The following PUS10 variants were observed in gnomAD, a reference collection of about 807,000 sequenced individuals.
PUS10 encodes the protein tRNA pseudouridine synthase Pus10.
Under a neutral mutation model 75.0 loss-of-function variants are expected in PUS10, and 59 were observed. That is an observed-to-expected ratio of 0.79 (90% confidence interval 0.64 to 0.98). The LOEUF is 0.98. Among genes scored for constraint, PUS10 ranks in the 50% least tolerant of loss-of-function variants. The pLI is 0.00. For synonymous variants in PUS10, 219 were observed against 211.6 expected (o/e 1.03, Z -0.30); for missense variants, 650 against 614.4 (o/e 1.06, Z -0.61).
At chr2:61,018,257 C>G (rs765172987), upstream of PUS10, 11 of 1,550,964 alleles carry the variant, frequency 7.1e-6, no homozygotes, top group African/African-American at 4.1e-5. Context: ...AAAGTCTCTC[C>G]TTAAAGGTGT....
chr2:60,948,902 A>ACGGCC (rs1675160922), intron 15 of PUS10, among the ~76,000 whole-genome samples: 1 of 152,216 alleles, frequency 6.6e-6, no homozygotes, highest in African/African-American at 2.4e-5. Context: ...AATTGGGCGT[A>ACGGCC]ATCAGAAATT....
At chr2:61,015,117 G>A (rs1452534502) in intron 1 of PUS10, among the ~76,000 whole-genome samples, 1 of 152,146 alleles carries the variant, frequency 6.6e-6, no homozygotes, top group Non-Finnish European at 1.5e-5. Flanking sequence ...CCAGAATTGA[G>A]AAACGCATAG....
chr2:61,016,590 A>G (rs1216983929), intron 1 of PUS10, among the ~76,000 whole-genome samples: 3 of 152,192 alleles, frequency 2.0e-5, no homozygotes. Flanking sequence ...TAACTCTGTA[A>G]CAAGTTGCTA....
chr2:61,000,339 A>G (rs989708995), intron 4 of PUS10, among the ~76,000 whole-genome samples: 1 of 152,226 alleles, frequency 6.6e-6, no homozygotes, highest in African/African-American at 2.4e-5. Context: ...TGGCTCCACC[A>G]TTCTGAATGC....
In PUS10 at chr2:61,017,812, C is replaced by T. The variant is rs2104787557; in HGVS notation, c.-16+196G>A. 7 of 1,550,550 alleles carry T rather than the reference C, an allele frequency of 4.5e-6. No homozygotes were observed. Among genetic ancestry groups the T allele is most frequent in the Non-Finnish European group, 6.1e-6 (7 of 1,146,840 alleles). On this transcript the variant is annotated intron_variant, in intron 1 of 17. Coordinates refer to ENST00000316752, the MANE Select transcript of PUS10 (RefSeq NM_144709.4). ...AAACCCTGGGAGACCCGCCGAATTC[C>T]GGGAGCCGGACCGGGACCAGGACCG...
intron 11 of PUS10, among the ~76,000 whole-genome samples, chr2:60,956,310 C>T (rs1384267203): frequency 2.0e-5 from 3 of 152,084 alleles, no homozygotes; most frequent in African/African-American, 4.8e-5. Flanking sequence ...AGATGGATGG[C>T]CATAGTTCAA....
At chr2:61,011,157 A>G (rs1052269025) in intron 2 of PUS10, among the ~76,000 whole-genome samples, 3 of 152,220 alleles carry the variant, frequency 2.0e-5, no homozygotes, top group Admixed American at 6.5e-5. Flanking sequence ...TCTAAAAAGA[A>G]TATCACTTTT....
At chr2:60,951,692 C>T (rs1327103699) in intron 15 of PUS10, among the ~76,000 whole-genome samples, 1 of 152,220 alleles carries the variant, frequency 6.6e-6, no homozygotes, top group Non-Finnish European at 1.5e-5. Context: ...GTCTCATCTG[C>T]TGCTCATTTT....
intron 4 of PUS10, among the ~76,000 whole-genome samples, chr2:61,001,310 T>C (rs1678841770): frequency 6.6e-6 from 1 of 151,550 alleles, no homozygotes; most frequent in African/African-American, 2.4e-5. Context: ...TTTTTAGATG[T>C]AGTCTCCCCA....
chr2:60,996,784 G>T (rs938349517), intron 4 of PUS10, among the ~76,000 whole-genome samples: 1 of 152,052 alleles, frequency 6.6e-6, no homozygotes, highest in Non-Finnish European at 1.5e-5. Context: ...GAAAAAAATT[G>T]CCCATAGCAT....
intron 5 of PUS10, 133 bp downstream of exon 5, chr2:60,971,390 G>T: frequency 1.3e-6 from 1 of 751,960 alleles, no homozygotes; most frequent in Non-Finnish European, 2.4e-6. Context: ...AATAAAAATT[G>T]GTTCTTTGTG....
intron 3 of PUS10, among the ~76,000 whole-genome samples, chr2:61,008,147 G>A (rs1679360298): frequency 6.6e-6 from 1 of 152,112 alleles, no homozygotes; most frequent in Non-Finnish European, 1.5e-5. Flanking sequence ...CAGTACTTTG[G>A]AGGCCAAGGC....
At chr2:61,003,972 A>G (rs1679031271) in intron 4 of PUS10, among the ~76,000 whole-genome samples, 1 of 152,208 alleles carries the variant, frequency 6.6e-6, no homozygotes, top group Non-Finnish European at 1.5e-5. Flanking sequence ...ACTTCTTAGA[A>G]GTGGAAAAAA....
rs1573433826 is a variant in PUS10 at position 60,971,405 on chromosome 2, T to C, written c.503+118A>G. On this transcript the variant is annotated intron_variant, in intron 5 of 17. Transcript: ENST00000316752. ...AATAAAAATTGGTTCTTTGTGCTAATTTCTCTAGTAGCTAGTGAATGCACT... is the reference window on the plus strand; with the variant it reads ...AATAAAAATTGGTTCTTTGTGCTAACTTCTCTAGTAGCTAGTGAATGCACT... 6.7e-6 allele frequency: 6 copies of C among 901,028 alleles called. 1 individual carries two copies. The East Asian group carries it at 1.5e-4, about 22-fold the overall frequency. 55.8% of individuals were successfully genotyped at this position (901,028 alleles called of 1,614,324 possible).
chr2:61,010,934 T>C (rs1300386966), intron 2 of PUS10: 11 of 1,535,478 alleles, frequency 7.2e-6, no homozygotes, highest in Non-Finnish European at 9.6e-6. Context: ...AATCAGTTAT[T>C]ATGAGAATTA....
chr2:60,947,879 G>A (rs1238285134), intron 16 of PUS10, among the ~76,000 whole-genome samples, 164 bp downstream of exon 16: 1 of 151,228 alleles, frequency 6.6e-6, no homozygotes, highest in Non-Finnish European at 1.5e-5. Flanking sequence ...AAATTAAGTG[G>A]GAAAAAACCA....
chr2:60,967,521 C>G lies in PUS10; in HGVS notation c.596G>C (p.Gly199Ala). 1.2e-6 allele frequency: 2 copies of G among 1,601,994 alleles called. No individual in the cohort carries two copies. The highest frequency in any genetic ancestry group is 2.2e-5 in the South Asian group (2 of 89,760). ...CAATACCTTTCCATCAATGGGAACA[C>G]CCAGTTCCTCTGAAAACAGGGGGTG... ...ITHPLFSEEL[G>A]VPIDGKSLFE... is the part of the protein sequence containing the mutation. Residue 199 changes from glycine (G) to alanine (A), a missense_variant, in exon 6 of 18, where the codon GGT becomes GCT. Coordinates refer to ENST00000316752, the MANE Select transcript of PUS10 (RefSeq NM_144709.4).
intron 15 of PUS10, among the ~76,000 whole-genome samples, chr2:60,950,712 C>G (rs1675283855): frequency 1.3e-5 from 2 of 152,184 alleles, no homozygotes; most frequent in African/African-American, 4.8e-5. Context: ...AGCCACCATG[C>G]CCGGCCTGAT....
rs377425600 is a variant in PUS10, at chr2:60,953,985, T to C, written c.1138A>G (p.Ile380Val). Residue 380 changes from isoleucine to valine, a missense_variant, in exon 14 of 18, where the codon ATT becomes GTT. Coordinates refer to ENST00000316752, the MANE Select transcript of PUS10 (RefSeq NM_144709.4). ...SQEIKELQQK[I>V]NNSSNKIQVR... ...TGGATTTTGTTAGATGAGTTATTAA[T>C]TTTCTGTAGTAGCAGAAAAAGAAAA... The C allele has an allele frequency of 5.0e-6, 8 of 1,613,868 alleles. No individual in the cohort carries two copies. Among genetic ancestry groups the C allele is most frequent in the Non-Finnish European group, 4.2e-6 (5 of 1,179,790 alleles).
Sources: gnomAD v4.1 joint callset for allele counts (sites outside exome capture counted in the v4.1 genomes callset) on GRCh38, gnomAD v4.1.1 for gene constraint, MANE v1.5 for transcripts, NCBI Gene and HGNC (gene_info 2026-07-23, HGNC 2026-07-21) for gene names.